Variants in NUMB observed in about 807,000 individuals in gnomAD.
NUMB encodes protein numb homolog.
In NUMB, 29 loss-of-function variants were observed where a neutral mutation model predicts 59.7. That is an observed-to-expected ratio of 0.49 (90% CI 0.36 to 0.66). The LOEUF is 0.66. NUMB is among the 30% of genes least tolerant of loss of function. The pLI, the probability that NUMB is intolerant of heterozygous loss-of-function variation, is 0.00. For missense variants in NUMB, 723 were observed against 822.0 expected (o/e 0.88, Z 1.47); for synonymous variants, 288 against 288.2 (o/e 1.00, Z 0.01).
chr14:73,420,543 G>A (rs1056457406), intron 1 of NUMB, among the ~76,000 whole-genome samples: 1 of 152,094 alleles, frequency 6.6e-6, no homozygotes, highest in Admixed American at 6.6e-5. Flanking sequence ...TGTTAGGCCA[G>A]GCACAGTGGC....
intron 7 of NUMB, among the ~76,000 whole-genome samples, chr14:73,293,978 A>G (rs918372210): frequency 6.6e-6 from 1 of 152,240 alleles, no homozygotes; most frequent in African/African-American, 2.4e-5. Flanking sequence ...CATCTGAGTC[A>G]TCTTGAAGTT....
At chr14:73,446,291 C>A (rs922522715) in intron 1 of NUMB, among the ~76,000 whole-genome samples, 1 of 151,998 alleles carries the variant, frequency 6.6e-6, no homozygotes, top group African/African-American at 2.4e-5. Context: ...GCCACCATCA[C>A]CAGACTTGCA....
intron 1 of NUMB, among the ~76,000 whole-genome samples, chr14:73,426,575 C>T (rs938542390): frequency 6.6e-6 from 1 of 152,036 alleles, no homozygotes; most frequent in African/African-American, 2.4e-5. Context: ...GGGCCGGGCG[C>T]GGTGGCTCAG....
At chr14:73,298,775 G>T (rs1383795919) in intron 6 of NUMB, 1 of 152,160 alleles carries the variant, frequency 6.6e-6, no homozygotes. Context: ...TGGCCTTACT[G>T]AAATAACCTG....
intron 1 of NUMB, among the ~76,000 whole-genome samples, chr14:73,440,782 C>T (rs987971735): frequency 7.7e-5 from 11 of 142,442 alleles, no homozygotes; most frequent in Non-Finnish European, 1.7e-4. Context: ...GAGCTGAGAT[C>T]GCGCCACTGC....
At chr14:73,279,466 A>T (rs1888457402) in intron 11 of NUMB, 42 bp from the exon 12 acceptor site, 1 of 1,525,404 alleles carries the variant, frequency 6.6e-7, no homozygotes, top group African/African-American at 1.4e-5. Context: ...TAATTCATGC[A>T]GGGTGTACAA....
chr14:73,389,774 T>G (rs2140096387), intron 2 of NUMB, among the ~76,000 whole-genome samples: 1 of 152,334 alleles, frequency 6.6e-6, no homozygotes, highest in East Asian at 1.9e-4. Context: ...AGTCACTGTT[T>G]AAAATGGGAT....
rs1566720893 is a variant in NUMB at position 73,276,817 on chromosome 14, T to A, written c.1717A>T (p.Ser573Cys). Residue 573 changes from serine to cysteine, a missense_variant, in exon 13 of 13, where the codon AGT (serine) becomes TGT (cysteine). This residue lies in a region of NUMB where 406 missense variants were observed against 385.4 expected (regional missense o/e 1.05). Coordinates refer to ENST00000555238, the MANE Select transcript of NUMB (RefSeq NM_001005743.2). Reference protein sequence around the residue: ...PHYEASSATTSPFFKPPAQHL... With the variant: ...PHYEASSATTCPFFKPPAQHL... Reference sequence around the variant, plus strand: ...TGAGCAGGAGGCTTAAAGAAGGGACTGGTGGTAGCACTGCTTGCCTCGTAG... The same window carrying A: ...TGAGCAGGAGGCTTAAAGAAGGGACAGGTGGTAGCACTGCTTGCCTCGTAG... 3.7e-6 allele frequency: 6 copies of A among 1,614,168 alleles called. No homozygotes were observed. Among genetic ancestry groups the A allele is most frequent in the Non-Finnish European group, 5.1e-6 (6 of 1,180,026 alleles).
chr14:73,284,152 T>C lies in NUMB; in HGVS notation c.878A>G (p.Gln293Arg). 6.2e-7 allele frequency: 1 copy of C among 1,614,164 alleles called. No individual in the cohort carries two copies. The highest frequency in any genetic ancestry group is 8.5e-7 in the Non-Finnish European group (1 of 1,180,022). ...CAACTCATTGATGCGTAGGGATAGT[T>C]GGCGTTTAAAGGGTGACATCTTCTG... ...LSQKMSPFKR[Q>R]LSLRINELPS... The change falls in exon 10 of 13, where the codon CAA becomes CGA. Residue 293 changes from glutamine (Q) to arginine (R), a missense_variant. Transcript: ENST00000555238.
intron 6 of NUMB, among the ~76,000 whole-genome samples, chr14:73,312,802 C>A (rs773345375): frequency 1.3e-5 from 2 of 150,716 alleles, no homozygotes; most frequent in African/African-American, 2.4e-5. Flanking sequence ...TCTGATATTT[C>A]TTTTTACGTT....
At chr14:73,442,312 G>A (rs945076541) in intron 1 of NUMB, among the ~76,000 whole-genome samples, 1 of 151,874 alleles carries the variant, frequency 6.6e-6, no homozygotes, top group Non-Finnish European at 1.5e-5. Context: ...GGTTAAAACT[G>A]CAGTAAGCAA....
chr14:73,433,213 G>A (rs1184744364), intron 1 of NUMB, among the ~76,000 whole-genome samples: 1 of 151,946 alleles, frequency 6.6e-6, no homozygotes, highest in Non-Finnish European at 1.5e-5. Context: ...CTTGAGGTCA[G>A]GAGTTCAAGA....
chr14:73,440,305 C>T (rs1009278224), intron 1 of NUMB, among the ~76,000 whole-genome samples: 73 of 150,590 alleles, frequency 4.8e-4, no homozygotes, highest in African/African-American at 1.7e-3. Context: ...CTATAGATAT[C>T]CATATATCTC....
In NUMB at chr14:73,276,357, ACTT is replaced by A. The variant is rs981375049; in HGVS notation, c.*218_*220del. 7 of 494,002 alleles carry A rather than the reference ACTT, an allele frequency of 1.4e-5. No homozygotes were observed. Among genetic ancestry groups the A allele is most frequent in the Admixed American group, 7.1e-5 (2 of 28,126 alleles). 30.6% of individuals were successfully genotyped at this position (494,002 alleles called of 1,614,324 possible). ...GAGTACAGAAAGCAACATTTCCTTG[ACTT>A]CTTTAGCCTAATTGCAAGGCAGCTT... is the stretch of plus-strand genomic sequence containing the variant. On this transcript the variant is annotated 3_prime_UTR_variant, in exon 13 of 13. Transcript: ENST00000555238.
rs919326003 is a variant in NUMB at position 73,407,121 on chromosome 14, G to C, written c.-101+2816C>G. On this transcript the variant is annotated intron_variant, in intron 2 of 12. Coordinates refer to ENST00000555238, the MANE Select transcript of NUMB (RefSeq NM_001005743.2). ...GCCTCCCAAGGTGCTGGGATGACAG[G>C]AGTGAGCCACCATGCCAGGCCTCAT... is the stretch of plus-strand genomic sequence containing the variant. 9.9e-5 allele frequency among the ~76,000 whole-genome samples: 15 copies of C among 151,736 alleles called. 1 individual carries two copies. Among genetic ancestry groups the C allele is most frequent in the Non-Finnish European group, 2.1e-4 (14 of 67,906 alleles).
intron 1 of NUMB, among the ~76,000 whole-genome samples, chr14:73,429,536 T>C (rs533629728): frequency 9.8e-5 from 15 of 152,308 alleles, no homozygotes; most frequent in African/African-American, 3.6e-4. Flanking sequence ...TCATATGCCA[T>C]TGTATAGATG....
intron 2 of NUMB, among the ~76,000 whole-genome samples, chr14:73,378,092 C>G (rs552699115): frequency 1.9e-4 from 29 of 151,740 alleles, no homozygotes; most frequent in African/African-American, 7.0e-4. Flanking sequence ...ATTTAAAAAT[C>G]GGCAAAGACT....
At chr14:73,419,172 T>C (rs1897250310) in intron 1 of NUMB, among the ~76,000 whole-genome samples, 1 of 152,170 alleles carries the variant, frequency 6.6e-6, no homozygotes, top group African/African-American at 2.4e-5. Context: ...ATCTTCTCTT[T>C]GGCAAAAATT....
intron 1 of NUMB, among the ~76,000 whole-genome samples, chr14:73,420,109 C>T (rs1464807338): frequency 6.6e-6 from 1 of 152,206 alleles, no homozygotes; most frequent in African/African-American, 2.4e-5. Flanking sequence ...GATCCACCCG[C>T]CTTGGCCTCC....
Sources: gnomAD v4.1 joint callset for allele counts (sites outside exome capture counted in the v4.1 genomes callset) on GRCh38, gnomAD v4.1.1 for gene constraint, gnomAD v4.1.1 regional missense constraint, MANE v1.5 for transcripts, NCBI Gene and HGNC (gene_info 2026-07-23, HGNC 2026-07-21) for gene names.